SLC4A3: variants seen among roughly 807,000 people sequenced by gnomAD.
The protein encoded by SLC4A3 is solute carrier family 4 member 3, also known as anion exchange protein 3.
In SLC4A3, 47 loss-of-function variants were observed where a neutral mutation model predicts 114.2. The observed-to-expected ratio is 0.41, with a 90% CI of 0.33 to 0.52. The LOEUF (loss-of-function observed/expected upper bound fraction) is 0.52. Among genes scored for constraint, SLC4A3 ranks in the 20% least tolerant of loss-of-function variants. The pLI is 0.21. For missense variants in SLC4A3, 1,312 were observed against 1,668.3 expected (o/e 0.79, Z 3.72); for synonymous variants, 693 against 710.3 (o/e 0.98, Z 0.39).
At position 219,631,914 on chromosome 2, in the gene SLC4A3, A is replaced by T. The variant is rs1574647747; in HGVS notation, c.812-54A>T. The stretch of plus-strand genomic sequence containing the variant: ...GTTGGGCAGAAGGAGCTGGGCCGTG[A>T]CCCCGAGGGCCCCAGCTGGACCTGT... On this transcript the variant is annotated intron_variant, in intron 6 of 22. Transcript: ENST00000358055. This position sits in a 1 kb window ranked among gnomAD's most constrained non-coding sequence, Gnocchi z 6.3. 1 of 1,528,760 alleles carries T rather than the reference A, an allele frequency of 6.5e-7. No individual in the cohort carries two copies. Among genetic ancestry groups the T allele is most frequent in the East Asian group, 2.3e-5 (1 of 44,144 alleles). The allele number at this position is 1,528,760 out of a possible 1,614,324, so 94.7% of individuals were successfully genotyped here.
rs767919890 is a variant in SLC4A3, at chr2:219,630,144, C to A, written c.612-9C>A. On this transcript the variant is annotated splice_polypyrimidine_tract_variant and intron_variant, in intron 5 of 22. Coordinates refer to ENST00000358055, the MANE Select transcript of SLC4A3 (RefSeq NM_005070.4). This position sits in a 1 kb window ranked among gnomAD's most constrained non-coding sequence, Gnocchi z 6.9. ...TGTCAAGTCCAAGGCTGCTGTGTTG[C>A]CTCCCCAGCTCCCCCAGCCCCCGGG... 1 of 1,612,754 alleles carries A rather than the reference C, an allele frequency of 6.2e-7. No homozygotes were observed. Among genetic ancestry groups the A allele is most frequent in the Non-Finnish European group, 8.5e-7 (1 of 1,179,570 alleles).
chr2:219,628,002 G>T lies in SLC4A3; in HGVS notation c.10G>T (p.Gly4Ter). Reference sequence around the variant, plus strand: ...AGCCGCCTACCTGGCCATGGCCAACGGAGTGATCCCGCCGCCCGGGGGCGC... The same window carrying T: ...AGCCGCCTACCTGGCCATGGCCAACTGAGTGATCCCGCCGCCCGGGGGCGC... The part of the protein sequence containing the change: MAN[G>*]VIPPPGGASP... Residue 4 changes from glycine (G) to a stop codon, truncating the protein, a stop_gained, in exon 2 of 23, where the codon GGA becomes TGA. Transcript: ENST00000358055. LOFTEE classifies it high-confidence loss of function. The surrounding 1 kb of genome is among the most constrained non-coding windows in gnomAD (Gnocchi z 4.8). 1 of 1,599,038 alleles carries T rather than the reference G, an allele frequency of 6.3e-7. No individual in the cohort carries two copies.
chr2:219,633,328 C>T lies in SLC4A3; in HGVS notation c.1332C>T (p.Ser444=). Residue 444 remains serine (S), a synonymous_variant, in exon 10 of 23, where the codon TCC becomes TCT. Transcript: ENST00000358055. ...TCTTTCCCCGAAACCCATCGAGCTC[C>T]AGCATGAACTCGGTTCTGGGGAATC... ...SGFFPRNPSS[S]SMNSVLGNHH... 1 of 1,603,834 alleles carries T rather than the reference C, an allele frequency of 6.2e-7. No individual in the cohort carries two copies. Among genetic ancestry groups the T allele is most frequent in the Non-Finnish European group, 8.5e-7 (1 of 1,173,060 alleles).
intron 8 of SLC4A3, 87 bp downstream of exon 8, chr2:219,632,529 C>A: frequency 1.4e-6 from 2 of 1,409,464 alleles, no homozygotes; most frequent in South Asian, 1.5e-5. Context: ...TCTCTAGAGT[C>A]CTGGGCACAG....
chr2:219,628,700 C>A lies in SLC4A3; in HGVS notation c.217+130C>A. 1.0e-6 allele frequency: 1 copy of A among 956,328 alleles called. No individual in the cohort carries two copies. The highest frequency in any genetic ancestry group is 1.6e-6 in the Non-Finnish European group (1 of 642,240). The allele number at this position is 956,328 out of a possible 1,614,324, so 59.2% of individuals were successfully genotyped here. On this transcript the variant is annotated intron_variant, in intron 3 of 22. Transcript: ENST00000358055. The surrounding 1 kb of genome is among the most constrained non-coding windows in gnomAD (Gnocchi z 4.8). ...GCCGGACACTGTGCTGGACTCTGTG[C>A]TGGGCCACATGCCGTGTTCAGTCAT...
rs1699301140 is a variant in SLC4A3 at position 219,640,791 on chromosome 2, G to A, written c.3450G>A (p.Val1150=). 1 of 1,611,062 alleles carries A rather than the reference G, an allele frequency of 6.2e-7. No individual in the cohort carries two copies. Among genetic ancestry groups the A allele is most frequent in the African/African-American group, 1.3e-5 (1 of 74,890 alleles). Residue 1150 remains valine, a splice_region_variant and synonymous_variant, in exon 22 of 23, where the codon GTG becomes GTA. Transcript: ENST00000358055. ...HHPEQPYVTK[V]KTWRMHLFTC... ...GGGCCCACTGGCTGCTCCCCTAGGT[G>A]AAGACGTGGCGGATGCATCTGTTCA...
Position 219,638,198 on chromosome 2 carries a change from T to C in SLC4A3, c.2801T>C (p.Ile934Thr). ...ATCATCGGGGACTTTGGCATCCCCA[T>C]CTCCATCCTGGTGATGGTCCTGGTG... ...RRIIGDFGIP[I>T]SILVMVLVDY... Residue 934 changes from isoleucine (I) to threonine (T), a missense_variant, in exon 18 of 23, where the codon ATC becomes ACC. Ile to Thr is a moderately conservative substitution (Grantham distance 89, BLOSUM62 -1). Coordinates refer to ENST00000358055, the MANE Select transcript of SLC4A3 (RefSeq NM_005070.4). This position sits in a 1 kb window ranked among gnomAD's most constrained non-coding sequence, Gnocchi z 7.5. 6.2e-7 allele frequency: 1 copy of C among 1,612,948 alleles called. No homozygotes were observed. Among genetic ancestry groups the C allele is most frequent in the Non-Finnish European group, 8.5e-7 (1 of 1,179,484 alleles).
chr2:219,640,342 T>C (rs986587854), intron 20 of SLC4A3, 88 bp from the exon 21 acceptor site: 5 of 1,436,660 alleles, frequency 3.5e-6, no homozygotes, highest in Admixed American at 1.9e-5. Context: ...TGTCTGAGGG[T>C]CAGGCAGATC....
chr2:219,628,342 T>G lies in SLC4A3; in HGVS notation c.52-63T>G. On this transcript the variant is annotated intron_variant, in intron 2 of 22. Coordinates refer to ENST00000358055, the MANE Select transcript of SLC4A3 (RefSeq NM_005070.4). The surrounding 1 kb of genome is among the most constrained non-coding windows in gnomAD (Gnocchi z 4.8). Reference sequence around the variant, plus strand: ...GAGCTCCCCCAACTAGGGCTTGGAGTTGGGGTGGGTGTGGGGCCTTCATGG... The same window carrying G: ...GAGCTCCCCCAACTAGGGCTTGGAGGTGGGGTGGGTGTGGGGCCTTCATGG... The G allele has an allele frequency of 6.8e-7, 1 of 1,471,752 alleles. No individual in the cohort carries two copies. The highest frequency in any genetic ancestry group is 1.4e-5 in the South Asian group (1 of 73,672). The allele number at this position is 1,471,752 out of a possible 1,614,324, so 91.2% of individuals were successfully genotyped here. A position where few individuals can be genotyped will look rare whatever the true frequency, so the allele number is the denominator to read the frequency against.
rs146850498 is a variant in SLC4A3, at chr2:219,639,504, C to A, written c.3046C>A (p.Arg1016=). ...ITALIVSQKA[R]RLLKGSGFHL... ...CAGGCTTATCGTCAGCCAGAAGGCG[C>A]GGAGGCTGCTCAAGGGCTCCGGTTT... The change falls in exon 20 of 23, where the codon CGG becomes AGG. Residue 1016 remains arginine, a synonymous_variant. Coordinates refer to ENST00000358055, the MANE Select transcript of SLC4A3 (RefSeq NM_005070.4). This position sits in a 1 kb window ranked among gnomAD's most constrained non-coding sequence, Gnocchi z 5.9. The A allele has an allele frequency of 1.2e-6, 2 of 1,613,742 alleles. No homozygotes were observed. The highest frequency in any genetic ancestry group is 1.7e-6 in the Non-Finnish European group (2 of 1,180,014).
At chr2:219,634,069 G>A (rs1396258818) in intron 11 of SLC4A3, 90 bp downstream of exon 11, 13 of 1,386,574 alleles carry the variant, frequency 9.4e-6, no homozygotes, top group South Asian at 4.5e-5. Flanking sequence ...CCTCGAGGCC[G>A]CCTCTTCCAT....
chr2:219,635,332 A>G lies in SLC4A3; in HGVS notation c.1808A>G (p.Glu603Gly). The G allele has an allele frequency of 1.2e-6, 2 of 1,614,156 alleles. No individual in the cohort carries two copies. The highest frequency in any genetic ancestry group is 2.2e-5 in the East Asian group (1 of 44,872). The change falls in exon 13 of 23, where the codon GAG (glutamate) becomes GGG (glycine). Residue 603 changes from glutamate (E) to glycine (G), a missense_variant. Glu to Gly is a moderately conservative substitution (Grantham distance 98). Transcript: ENST00000358055. Reference protein sequence around the residue: ...DRQDLLSAISEFLDGSIVIPP... With the variant: ...DRQDLLSAISGFLDGSIVIPP... ...CAAGACCTCCTAAGTGCCATCAGCGAGTTCCTGGATGGCAGCATTGTGATC... is the reference window on the plus strand; with the variant it reads ...CAAGACCTCCTAAGTGCCATCAGCGGGTTCCTGGATGGCAGCATTGTGATC...
chr2:219,640,393 G>A (rs1574659836), intron 20 of SLC4A3, 37 bp from the exon 21 acceptor site: 2 of 1,592,662 alleles, frequency 1.3e-6, no homozygotes, highest in East Asian at 2.2e-5. Context: ...CACGGGGGCT[G>A]TCTGAGGGTC....
rs186106299 is a variant in SLC4A3, at chr2:219,631,465, G to A, written c.812-503G>A. 6.5e-4 allele frequency: 842 copies of A among 1,302,426 alleles called. 5 individuals are homozygous for A. The African/African-American group carries it at 0.011, about 17-fold the overall frequency. 80.7% of individuals were successfully genotyped at this position (1,302,426 alleles called of 1,614,324 possible). ...GCAGGGCCACCAACTTGTGAGTAAC[G>A]GGGCTGCTGGCCTTTCCCCGACTGC... On this transcript the variant is annotated intron_variant, in intron 6 of 22. Coordinates refer to ENST00000358055, the MANE Select transcript of SLC4A3 (RefSeq NM_005070.4). The surrounding 1 kb of genome is among the most constrained non-coding windows in gnomAD (Gnocchi z 6.3).
rs990079925 is a variant in SLC4A3 at position 219,637,404 on chromosome 2, ATGTGTGTGTTC to A, written c.2536-169_2536-159del. ...TGTTGTTACGTGTTGTGTGTGTTGTATGTGTGTGTTCTGTGTGTTCTGTGTGTTGTGTGTGT... is the reference window on the plus strand; with the variant it reads ...TGTTGTTACGTGTTGTGTGTGTTGTATGTGTGTTCTGTGTGTTGTGTGTGT... On this transcript the variant is annotated intron_variant, in intron 16 of 22. Transcript: ENST00000358055. The surrounding 1 kb of genome is among the most constrained non-coding windows in gnomAD (Gnocchi z 4.6). Among the ~76,000 whole-genome samples the A allele has an allele frequency of 6.7e-5, 10 of 150,018 alleles. No homozygotes were observed. Among genetic ancestry groups the A allele is most frequent in the African/African-American group, 2.5e-4 (10 of 40,720 alleles).
chr2:219,638,170 C>T lies in SLC4A3; in HGVS notation c.2773C>T (p.Arg925Cys). The T allele has an allele frequency of 6.2e-7, 1 of 1,611,114 alleles. No individual in the cohort carries two copies. The highest frequency in any genetic ancestry group is 8.5e-7 in the Non-Finnish European group (1 of 1,178,442). ...CCAACTGGCCCCTCTCAAGGCTCGT[C>T]GCATCATCGGGGACTTTGGCATCCC... ...NSRFLGGKAR[R>C]IIGDFGIPIS... The change falls in exon 18 of 23, where the codon CGC (arginine) becomes TGC (cysteine). Residue 925 changes from arginine (R) to cysteine (C), a missense_variant. Transcript: ENST00000358055. The surrounding 1 kb of genome is among the most constrained non-coding windows in gnomAD (Gnocchi z 7.5).
chr2:219,631,273 A>T lies in SLC4A3; in HGVS notation c.812-695A>T. 1 of 1,292,900 alleles carries T rather than the reference A, an allele frequency of 7.7e-7. No individual in the cohort carries two copies. Among genetic ancestry groups the T allele is most frequent in the Non-Finnish European group, 1.0e-6 (1 of 980,532 alleles). The allele number at this position is 1,292,900 out of a possible 1,614,324, so 80.1% of individuals were successfully genotyped here. ...CCACTGGAGAAGGACCCTGAGCCCA[A>T]TGGGGCACTGAGCCCTGGGCCTGGG... On this transcript the variant is annotated intron_variant, in intron 6 of 22. Coordinates refer to ENST00000358055, the MANE Select transcript of SLC4A3 (RefSeq NM_005070.4). The surrounding 1 kb of genome is among the most constrained non-coding windows in gnomAD (Gnocchi z 6.3).
intron 12 of SLC4A3, among the ~76,000 whole-genome samples, chr2:219,634,956 G>T (rs752914162): frequency 1.3e-4 from 20 of 152,210 alleles, no homozygotes; most frequent in Non-Finnish European, 2.4e-4. Flanking sequence ...TTATCAGCCT[G>T]TAAGGTGTAG....
chr2:219,636,653 G>A lies in SLC4A3; in HGVS notation c.2341-27G>A. On this transcript the variant is annotated intron_variant, in intron 15 of 22. Coordinates refer to ENST00000358055, the MANE Select transcript of SLC4A3 (RefSeq NM_005070.4). This position sits in a 1 kb window ranked among gnomAD's most constrained non-coding sequence, Gnocchi z 5.5. ...GACACCCAGGGCAGTCCACCTGTGG[G>A]TAACGACCGCTCCTACCCCCACCTA... 1 of 1,595,940 alleles carries A rather than the reference G, an allele frequency of 6.3e-7. No homozygotes were observed. The highest frequency in any genetic ancestry group is 1.1e-5 in the South Asian group (1 of 88,958).
Sources: gnomAD v4.1 joint callset for allele counts (sites outside exome capture counted in the v4.1 genomes callset) on GRCh38, gnomAD v4.1.1 for gene constraint, Gnocchi (gnomAD v3.1) non-coding constraint, MANE v1.5 for transcripts, NCBI Gene and HGNC (gene_info 2026-07-23, HGNC 2026-07-21) for gene names.